Variants in GCC2 observed in about 807,000 individuals in gnomAD.
GCC2 encodes GRIP and coiled-coil domain containing 2, also known as GRIP and coiled-coil domain-containing protein 2.
GCC2 carries 120 observed loss-of-function variants against 210.6 expected under a neutral mutation model. The ratio of observed to expected loss-of-function variants is 0.57; its 90% CI spans 0.49 to 0.66. GCC2 has a LOEUF of 0.66. GCC2 is among the 30% of genes least tolerant of loss of function. The pLI is 0.00. For missense variants in GCC2, 1,868 were observed against 1,871.9 expected (o/e 1.00, Z 0.04); for synonymous variants, 703 against 652.7 (o/e 1.08, Z -1.17).
intron 6 of GCC2, 53 bp from the exon 7 acceptor site, chr2:108,472,774 C>T (rs1681304351): frequency 3.8e-6 from 4 of 1,041,384 alleles, no homozygotes; most frequent in Non-Finnish European, 5.9e-6. Context: ...AAAATGAATT[C>T]TGATTCTGGT....
At chr2:108,492,886 T>G (rs981243409) in intron 19 of GCC2, 96 bp downstream of exon 19, 6 of 895,912 alleles carry the variant, frequency 6.7e-6, no homozygotes, top group Admixed American at 2.0e-5. Context: ...GAAAATTTAC[T>G]AGGTGTCACC....
rs1573221742 is a variant in GCC2, at chr2:108,490,076, C to G, written c.4229+62C>G. Reference sequence around the variant, plus strand: ...GCAATGTATTTCTTTGTTGAAACTTCTAATATGTTGATCCTTGAGATAAAT... The same window carrying G: ...GCAATGTATTTCTTTGTTGAAACTTGTAATATGTTGATCCTTGAGATAAAT... On this transcript the variant is annotated intron_variant, in intron 18 of 22. Transcript: ENST00000309863. 6.2e-6 allele frequency: 7 copies of G among 1,134,694 alleles called. No individual in the cohort carries two copies. In the East Asian group the frequency reaches 1.9e-4, roughly 31 times the overall value. The allele number at this position is 1,134,694 out of a possible 1,614,324, so 70.3% of individuals were successfully genotyped here.
chr2:108,471,339 G>A lies in GCC2; in HGVS notation c.2010G>A (p.Met670Ile), dbSNP rs372074612. Reference protein sequence around the residue: ...DQNDQKLEKLMVQMKVLSEDK... With the variant: ...DQNDQKLEKLIVQMKVLSEDK... ...ATGACCAAAAACTAGAAAAACTTATGGTTCAAATGAAAGTTCTCTCTGAAG... is the reference window on the plus strand; with the variant it reads ...ATGACCAAAAACTAGAAAAACTTATAGTTCAAATGAAAGTTCTCTCTGAAG... Residue 670 changes from methionine (M) to isoleucine (I), a missense_variant, in exon 6 of 23, where the codon ATG (methionine) becomes ATA (isoleucine). This residue lies in a region of GCC2 where 1,847 missense variants were observed against 1,765.2 expected (regional missense o/e 1.05). Transcript: ENST00000309863. The A allele has an allele frequency of 7.4e-6, 12 of 1,611,622 alleles. No individual in the cohort carries two copies. Among genetic ancestry groups the A allele is most frequent in the Non-Finnish European group, 5.1e-6 (6 of 1,179,296 alleles).
chr2:108,490,025 T>C lies in GCC2; in HGVS notation c.4229+11T>C, dbSNP rs199662311. Reference sequence around the variant, plus strand: ...GGAACTCCGGGAAAAGTAAGACTGTTAGCAGCACTAACGCTGTACCAGACA... The same window carrying C: ...GGAACTCCGGGAAAAGTAAGACTGTCAGCAGCACTAACGCTGTACCAGACA... On this transcript the variant is annotated intron_variant, in intron 18 of 22. Coordinates refer to ENST00000309863, the MANE Select transcript of GCC2 (RefSeq NM_181453.4). 1.3e-6 allele frequency: 2 copies of C among 1,594,502 alleles called. No individual in the cohort carries two copies. Among genetic ancestry groups the C allele is most frequent in the African/African-American group, 2.7e-5 (2 of 74,502 alleles).
intron 15 of GCC2, 141 bp from the exon 16 acceptor site, chr2:108,486,370 A>G (rs1248308255): frequency 2.5e-6 from 2 of 792,758 alleles, no homozygotes; most frequent in Non-Finnish European, 2.2e-6. Flanking sequence ...TTTTTCAATA[A>G]TAATACATAA....
chr2:108,507,896 C>T lies in GCC2; in HGVS notation c.*266C>T, dbSNP rs955566135. On this transcript the variant is annotated 3_prime_UTR_variant, in exon 23 of 23. Coordinates refer to ENST00000309863, the MANE Select transcript of GCC2 (RefSeq NM_181453.4). ...AATAAAACCACCAGGAATGAATTCACTCCCCACTTCTCTGGAACCTCAGGA... is the reference window on the plus strand; with the variant it reads ...AATAAAACCACCAGGAATGAATTCATTCCCCACTTCTCTGGAACCTCAGGA... 9.4e-6 allele frequency: 3 copies of T among 319,414 alleles called. No homozygotes were observed. Among genetic ancestry groups the T allele is most frequent in the African/African-American group, 2.2e-5 (1 of 44,696 alleles). 19.8% of individuals were successfully genotyped at this position (319,414 alleles called of 1,614,324 possible).
At chr2:108,483,027 TG>T in intron 11 of GCC2, 34 bp from the exon 12 acceptor site, 1 of 1,063,356 alleles carries the variant, frequency 9.4e-7, no homozygotes, top group Non-Finnish European at 1.5e-6. Flanking sequence ...TAATATTGGT[TG>T]GGTGGTGTGG....
In GCC2 at chr2:108,469,813, AC is replaced by A; in HGVS notation, c.485del (p.Thr162SerfsTer3). 1 of 1,613,886 alleles carries A rather than the reference AC, an allele frequency of 6.2e-7. No individual in the cohort carries two copies. Among genetic ancestry groups the A allele is most frequent in the Non-Finnish European group, 8.5e-7 (1 of 1,179,836 alleles). On this transcript the variant is annotated frameshift_variant, in exon 6 of 23. Coordinates refer to ENST00000309863, the MANE Select transcript of GCC2 (RefSeq NM_181453.4). LOFTEE classifies it high-confidence loss of function. Reference sequence around the variant, plus strand: ...AAAGCAGCTGGAAGAAGCAATGAATACGCAATTAGAACTTTCAGAACAACTT... The same window carrying A: ...AAAGCAGCTGGAAGAAGCAATGAATAGCAATTAGAACTTTCAGAACAACTT... The part of the protein sequence containing the change: ...LQKQLEEAMN[T>X]QLELSEQLKF...
At chr2:108,475,153 G>C (rs910897059) in intron 7 of GCC2, 1 of 158,324 alleles carries the variant, frequency 6.3e-6, no homozygotes, top group Admixed American at 6.3e-5. Context: ...CACTTATGGA[G>C]CATAAATGTT....
At chr2:108,483,215 T>C (rs369825458) in intron 12 of GCC2, 49 bp downstream of exon 12, 3 of 935,160 alleles carry the variant, frequency 3.2e-6, no homozygotes, top group East Asian at 2.5e-5. Flanking sequence ...CACATTGTTC[T>C]GTTTTGTTGT....
In GCC2 at chr2:108,451,169, G is replaced by A. The variant is rs115218746; in HGVS notation, c.148+57G>A. ...AGTCTCTTTAATCGTGGTTTAAAAT[G>A]GTAGTTTTTAAAATAATGCATTGGC... On this transcript the variant is annotated intron_variant, in intron 3 of 22. Coordinates refer to ENST00000309863, the MANE Select transcript of GCC2 (RefSeq NM_181453.4). 6,288 of 1,090,526 alleles carry A rather than the reference G, an allele frequency of 5.8e-3. 45 individuals are homozygous for A. The highest frequency in any genetic ancestry group is 0.019 in the East Asian group (795 of 40,942). The allele number at this position is 1,090,526 out of a possible 1,614,324, so 67.6% of individuals were successfully genotyped here. A position where few individuals can be genotyped will look rare whatever the true frequency, so the allele number is the denominator to read the frequency against.
intron 16 of GCC2, 43 bp from the exon 17 acceptor site, chr2:108,487,656 C>A: frequency 1.3e-6 from 2 of 1,542,724 alleles, no homozygotes; most frequent in East Asian, 2.3e-5. Context: ...ATAGAAGGAC[C>A]CTGTTACAGT....
chr2:108,503,856 C>G (rs1231703990), intron 22 of GCC2, among the ~76,000 whole-genome samples: 1 of 152,144 alleles, frequency 6.6e-6, no homozygotes, highest in African/African-American at 2.4e-5. Flanking sequence ...CACCTGTAAG[C>G]CCAACAGTTT....
rs1234197110 is a variant in GCC2 at position 108,452,636 on chromosome 2, T to C, written c.216+170T>C. On this transcript the variant is annotated intron_variant, in intron 4 of 22. Coordinates refer to ENST00000309863, the MANE Select transcript of GCC2 (RefSeq NM_181453.4). ...AGGGGGTTAATGACCTCTGGGTCTC[T>C]TTCTGTTCTGAAATTATTATTCTAC... Among the ~76,000 whole-genome samples the C allele has an allele frequency of 2.0e-5, 3 of 152,070 alleles. No homozygotes were observed. In the East Asian group the frequency reaches 5.8e-4, roughly 29 times the overall value.
At chr2:108,498,183 C>CTT (rs3084885) in intron 21 of GCC2, among the ~76,000 whole-genome samples, 663 of 57,538 alleles carry the variant, frequency 0.012, 141 homozygotes, top group African/African-American at 0.037. Context: ...GTTATATTTT[C>CTT]TTTTTTTTTT....
At chr2:108,451,260 T>C in intron 3 of GCC2, 148 bp downstream of exon 3, 1 of 521,916 alleles carries the variant, frequency 1.9e-6, no homozygotes. Context: ...TTATTTAACA[T>C]TCTAAAAATT....
At chr2:108,489,521 A>T (rs1327546870) in intron 17 of GCC2, among the ~76,000 whole-genome samples, 3 of 152,122 alleles carry the variant, frequency 2.0e-5, no homozygotes, top group Non-Finnish European at 4.4e-5. Flanking sequence ...TCTCAAAAAA[A>T]AAAAAATAGT....
intron 17 of GCC2, among the ~76,000 whole-genome samples, chr2:108,489,062 A>G (rs1393093010): frequency 6.6e-6 from 1 of 152,246 alleles, no homozygotes; most frequent in Non-Finnish European, 1.5e-5. Context: ...TTTTTTAAAA[A>G]AAGAAACTAA....
intron 4 of GCC2, among the ~76,000 whole-genome samples, chr2:108,459,914 G>T (rs900928056): frequency 6.6e-6 from 1 of 151,778 alleles, no homozygotes; most frequent in Non-Finnish European, 1.5e-5. Context: ...GTGCAGTGGC[G>T]CAATCTTGGC....
Sources: allele counts gnomAD v4.1 joint callset (sites outside exome capture counted in the v4.1 genomes callset), GRCh38; gene constraint gnomAD v4.1.1; regional missense constraint gnomAD v4.1.1; transcripts MANE v1.5; gene names NCBI Gene and HGNC (gene_info 2026-07-23, HGNC 2026-07-21).